PDS5B: variants seen among roughly 807,000 people sequenced by gnomAD.
The protein encoded by PDS5B is PDS5 cohesin associated factor B, also known as sister chromatid cohesion protein PDS5 homolog B.
Under a neutral mutation model 184.1 loss-of-function variants are expected in PDS5B, and 51 were observed. The observed-to-expected ratio is 0.28, with a 90% CI of 0.22 to 0.35. PDS5B has a LOEUF of 0.35. Among genes scored for constraint, PDS5B ranks in the 10% least tolerant of loss-of-function variants. PDS5B has a pLI of 1.00. For missense variants in PDS5B, 1,180 were observed against 1,723.3 expected, an observed-to-expected ratio of 0.68 and a Z score of 5.58; for synonymous variants, 566 against 569.2, an observed-to-expected ratio of 0.99 and a Z score of 0.08.
chr13:32,597,991 C>G (rs559597982), intron 1 of PDS5B, among the ~76,000 whole-genome samples: 3 of 151,838 alleles, frequency 2.0e-5, no homozygotes, highest in Non-Finnish European at 4.4e-5. Flanking sequence ...AGTAGTATGT[C>G]AGCAGTGGAT....
rs757033509 is a variant in PDS5B, at chr13:32,659,131, A to G, written c.498-23A>G. On this transcript the variant is annotated intron_variant, in intron 5 of 34. Coordinates refer to ENST00000315596, the MANE Select transcript of PDS5B (RefSeq NM_015032.4). ...CCTGTATATCTCAGTTGTAATTGAAACAAAATCTGTTTTGAATTGCAGCAA... is the reference window on the plus strand; with the variant it reads ...CCTGTATATCTCAGTTGTAATTGAAGCAAAATCTGTTTTGAATTGCAGCAA... 6.0e-6 allele frequency: 9 copies of G among 1,509,960 alleles called. No individual in the cohort carries two copies. In the African/African-American group the frequency reaches 6.8e-5, roughly 11 times the overall value. The allele number at this position is 1,509,960 out of a possible 1,614,324, so 93.5% of individuals were successfully genotyped here. A position where few individuals can be genotyped will look rare whatever the true frequency, so the allele number is the denominator to read the frequency against.
chr13:32,681,806 C>T (rs748231203), intron 10 of PDS5B, among the ~76,000 whole-genome samples: 31 of 152,162 alleles, frequency 2.0e-4, no homozygotes, highest in Non-Finnish European at 3.1e-4. Flanking sequence ...TCAACCTTAT[C>T]AGACCCAGTA....
At chr13:32,596,468 A>G (rs557597593) in intron 1 of PDS5B, among the ~76,000 whole-genome samples, 1 of 152,336 alleles carries the variant, frequency 6.6e-6, no homozygotes, top group East Asian at 1.9e-4. Flanking sequence ...AATAAGGCCT[A>G]TACAGATCTT....
At chr13:32,720,850 T>C (rs376182382) in intron 19 of PDS5B, among the ~76,000 whole-genome samples, 2,094 of 152,010 alleles carry the variant, frequency 0.014, 35 homozygotes, top group South Asian at 0.077. Flanking sequence ...TGACTCTTAA[T>C]GAGCATGCTG....
chr13:32,640,502 C>T (rs2058642019), intron 1 of PDS5B, among the ~76,000 whole-genome samples: 1 of 150,114 alleles, frequency 6.7e-6, no homozygotes, highest in African/African-American at 2.4e-5. Context: ...CCACTTTGGG[C>T]TCCCAAAGTG....
At chr13:32,728,686 G>A (rs140730074) in intron 19 of PDS5B, among the ~76,000 whole-genome samples, 8 of 152,232 alleles carry the variant, frequency 5.3e-5, no homozygotes, top group African/African-American at 1.2e-4. Flanking sequence ...CATGCGATAA[G>A]CTGGGCAGTA....
chr13:32,729,187 A>G (rs1953015746), intron 19 of PDS5B, among the ~76,000 whole-genome samples: 1 of 152,084 alleles, frequency 6.6e-6, no homozygotes, highest in South Asian at 2.1e-4. Flanking sequence ...ATGAGTGAGA[A>G]CATGTGTTGT....
Position 32,626,811 on chromosome 13 carries a change from A to G in PDS5B, c.-19-21943A>G, listed in dbSNP as rs573903674. On this transcript the variant is annotated intron_variant, in intron 1 of 34. Transcript: ENST00000315596. ...CATAACAGTTCTGTTTTAGTTAGAT[A>G]CAAGTAGCCTAATAAGTATTTATGG... 2.2e-4 allele frequency among the ~76,000 whole-genome samples: 34 copies of G among 152,350 alleles called. No individual in the cohort carries two copies. In the South Asian group the frequency reaches 5.8e-3, roughly 26 times the overall value.
chr13:32,713,970 C>G (rs1165335514), intron 19 of PDS5B, among the ~76,000 whole-genome samples: 1 of 152,028 alleles, frequency 6.6e-6, no homozygotes, highest in East Asian at 1.9e-4. Context: ...AATAAAGGGA[C>G]AGAGTACAAA....
At chr13:32,767,310 T>G (rs1463287615) in intron 31 of PDS5B, among the ~76,000 whole-genome samples, 1 of 152,182 alleles carries the variant, frequency 6.6e-6, no homozygotes, top group Non-Finnish European at 1.5e-5. Context: ...CCATTCTTCC[T>G]AAAGGCAAAA....
intron 6 of PDS5B, among the ~76,000 whole-genome samples, chr13:32,660,539 A>G (rs1036700097): frequency 6.6e-6 from 1 of 152,174 alleles, no homozygotes; most frequent in African/African-American, 2.4e-5. Context: ...CTCTCAGCCT[A>G]GCTCTCTGGA....
At chr13:32,614,352 C>CAGTG (rs2058188199) in intron 1 of PDS5B, among the ~76,000 whole-genome samples, 1 of 149,032 alleles carries the variant, frequency 6.7e-6, no homozygotes, top group Non-Finnish European at 1.5e-5. Flanking sequence ...GGCTGGAGTG[C>CAGTG]AGTGGTGTGA....
At chr13:32,714,388 A>G (rs934867590) in intron 19 of PDS5B, among the ~76,000 whole-genome samples, 10 of 152,178 alleles carry the variant, frequency 6.6e-5, no homozygotes, top group Non-Finnish European at 1.3e-4. Flanking sequence ...AGTTTTGGGC[A>G]CCATTGTCAT....
intron 3 of PDS5B, among the ~76,000 whole-genome samples, chr13:32,656,273 C>CTTT (rs71071057): frequency 0.033 from 3,148 of 96,736 alleles, 161 homozygotes; most frequent in Admixed American, 0.052. Flanking sequence ...TCTCCAGCTT[C>CTTT]TTTTTTTTTT....
rs138955591 is a variant in PDS5B, at chr13:32,613,721, C to T, written c.-20+27128C>T. 6.6e-5 allele frequency among the ~76,000 whole-genome samples: 10 copies of T among 152,258 alleles called. No homozygotes were observed. The East Asian group carries it at 7.7e-4, about 12-fold the overall frequency. ...TTTGTTGATGGTAGCTTCTGAAGCA[C>T]AAAAGTTGTAAGTTTTAATCATGTC... On this transcript the variant is annotated intron_variant, in intron 1 of 34. Transcript: ENST00000315596.
At position 32,635,001 on chromosome 13, in the gene PDS5B, C is replaced by CTTT. The variant is rs4057820; in HGVS notation, c.-19-13734_-19-13732dup. Among the ~76,000 whole-genome samples, 17 of 129,094 alleles carry CTTT rather than the reference C, an allele frequency of 1.3e-4. No homozygotes were observed. In the East Asian group the frequency reaches 1.3e-3, roughly 10 times the overall value. 84.7% of individuals were successfully genotyped at this position (129,094 alleles called of 152,430 possible). On this transcript the variant is annotated intron_variant, in intron 1 of 34. Transcript: ENST00000315596. ...ACCTCAGCAATATTTCTTACTGCCT[C>CTTT]TTTTTTTTTTTTTTTTTTTTTAAAG...
At position 32,735,313 on chromosome 13, in the gene PDS5B, C is replaced by T; in HGVS notation, c.2389C>T (p.Leu797Phe). ...SLVATFIVKD[L>F]LMNDRLPGKK... is the part of the protein sequence containing the mutation. ...GGTAGCTACTTTCATTGTGAAAGATCTTCTCATGAATGATCGGGTAATTTA... is the reference window on the plus strand; with the variant it reads ...GGTAGCTACTTTCATTGTGAAAGATTTTCTCATGAATGATCGGGTAATTTA... The change falls in exon 21 of 35, where the codon CTT becomes TTT. Residue 797 changes from leucine to phenylalanine, a missense_variant. This residue lies in a region of PDS5B where 475 missense variants were observed against 691.5 expected (regional missense o/e 0.69). Coordinates refer to ENST00000315596, the MANE Select transcript of PDS5B (RefSeq NM_015032.4). The T allele has an allele frequency of 6.2e-7, 1 of 1,610,450 alleles. No homozygotes were observed. The highest frequency in any genetic ancestry group is 8.5e-7 in the Non-Finnish European group (1 of 1,177,684).
chr13:32,629,777 A>G (rs538066428), intron 1 of PDS5B, among the ~76,000 whole-genome samples: 2 of 152,334 alleles, frequency 1.3e-5, no homozygotes, highest in East Asian at 1.9e-4. Context: ...AGCAGGTATG[A>G]TGTAGTTCTA....
chr13:32,599,233 T>A (rs1183063229), intron 1 of PDS5B, among the ~76,000 whole-genome samples: 1 of 152,164 alleles, frequency 6.6e-6, no homozygotes, highest in Non-Finnish European at 1.5e-5. Flanking sequence ...ATTGTTTTTG[T>A]ATTCTGTTTG....
Sources: allele counts gnomAD v4.1 joint callset (sites outside exome capture counted in the v4.1 genomes callset), GRCh38; gene constraint gnomAD v4.1.1; regional missense constraint gnomAD v4.1.1; transcripts MANE v1.5; gene names NCBI Gene and HGNC (gene_info 2026-07-23, HGNC 2026-07-21).